Variants in UNC5D observed in about 807,000 individuals in gnomAD.
UNC5D encodes unc-5 netrin receptor D, also known as netrin receptor UNC5D.
Under a neutral mutation model 105.4 loss-of-function variants are expected in UNC5D, and 39 were observed. The ratio of observed to expected loss-of-function variants is 0.37; its 90% CI spans 0.29 to 0.48. UNC5D has a LOEUF of 0.48. Ranked by LOEUF, UNC5D falls within the 20% of genes least tolerant of loss-of-function variation. The pLI is 0.98. For synonymous variants in UNC5D, 452 were observed against 450.4 expected (o/e 1.00, Z -0.04); for missense variants, 991 against 1,202.4 (o/e 0.82, Z 2.60).
At chr8:35,355,744 C>G (rs542147567) in intron 1 of UNC5D, among the ~76,000 whole-genome samples, 1 of 152,120 alleles carries the variant, frequency 6.6e-6, no homozygotes, top group Non-Finnish European at 1.5e-5. Flanking sequence ...AAGGATGGAA[C>G]CCTCATGAAT....
intron 1 of UNC5D, among the ~76,000 whole-genome samples, chr8:35,242,186 G>A (rs1364690654): frequency 6.6e-6 from 1 of 152,154 alleles, no homozygotes; most frequent in Non-Finnish European, 1.5e-5. Flanking sequence ...TTTTTCCACA[G>A]GTGGGAAAAT....
rs542198502 is a variant in UNC5D, at chr8:35,544,513, C to T, written c.104-4779C>T. On this transcript the variant is annotated intron_variant, in intron 1 of 16. Coordinates refer to ENST00000404895, the MANE Select transcript of UNC5D (RefSeq NM_080872.4). The stretch of plus-strand genomic sequence containing the variant: ...CTGGGACTTCCGGGTTCCTGTTGGA[C>T]TTTTCCTCCCAAACTTCACCAGGTA... 5.6e-6 allele frequency: 9 copies of T among 1,609,272 alleles called. No individual in the cohort carries two copies. In the South Asian group the frequency reaches 8.8e-5, roughly 16 times the overall value.
At chr8:35,334,348 A>G (rs16883834) in intron 1 of UNC5D, among the ~76,000 whole-genome samples, 3,841 of 152,292 alleles carry the variant, frequency 0.025, 161 homozygotes, top group African/African-American at 0.086. Flanking sequence ...TTGGCCCTTT[A>G]TATCTTGGAG....
chr8:35,267,565 A>T (rs1049521377), intron 1 of UNC5D, among the ~76,000 whole-genome samples: 1 of 152,078 alleles, frequency 6.6e-6, no homozygotes, highest in African/African-American at 2.4e-5. Flanking sequence ...CAGGCTCCCA[A>T]GTAGCTGGGA....
chr8:35,397,625 G>A (rs1804191343), intron 1 of UNC5D, among the ~76,000 whole-genome samples: 1 of 152,102 alleles, frequency 6.6e-6, no homozygotes, highest in South Asian at 2.1e-4. Flanking sequence ...CCTCATCCCA[G>A]TGTACAGTTG....
chr8:35,438,638 A>C (rs373988142), intron 1 of UNC5D, among the ~76,000 whole-genome samples: 1 of 152,030 alleles, frequency 6.6e-6, no homozygotes, highest in Non-Finnish European at 1.5e-5. Context: ...CATAAGCCAA[A>C]CTATCTTTAG....
At chr8:35,678,216 T>C (rs1042535769) in intron 4 of UNC5D, among the ~76,000 whole-genome samples, 1 of 152,158 alleles carries the variant, frequency 6.6e-6, no homozygotes, top group African/African-American at 2.4e-5. Context: ...GAATCATCTC[T>C]TCTGGAGTTG....
intron 4 of UNC5D, among the ~76,000 whole-genome samples, chr8:35,610,850 A>G (rs910489513): frequency 2.0e-5 from 3 of 151,988 alleles, no homozygotes; most frequent in African/African-American, 7.2e-5. Flanking sequence ...AGAACCAAAG[A>G]TTGTCACGGT....
At chr8:35,498,441 T>C (rs1032786993) in intron 1 of UNC5D, among the ~76,000 whole-genome samples, 1 of 152,094 alleles carries the variant, frequency 6.6e-6, no homozygotes, top group African/African-American at 2.4e-5. Context: ...CATAGCTGAA[T>C]GTTGACTAGA....
chr8:35,266,064 CAATAGTAAA>C (rs932026598), intron 1 of UNC5D, among the ~76,000 whole-genome samples: 55 of 151,814 alleles, frequency 3.6e-4, no homozygotes, highest in African/African-American at 1.3e-3. Flanking sequence ...TTTAACTTTT[CAATAGTAAA>C]AATAAGCCTC....
At chr8:35,470,375 T>C (rs1809615944) in intron 1 of UNC5D, among the ~76,000 whole-genome samples, 1 of 152,060 alleles carries the variant, frequency 6.6e-6, no homozygotes, top group Admixed American at 6.6e-5. Context: ...GACACCTTGT[T>C]GACCTAGGGG....
chr8:35,575,624 T>G (rs769808396), intron 3 of UNC5D, among the ~76,000 whole-genome samples: 1 of 152,194 alleles, frequency 6.6e-6, no homozygotes, highest in Non-Finnish European at 1.5e-5. Flanking sequence ...TGTGGATATA[T>G]TCCCATGGCA....
intron 1 of UNC5D, among the ~76,000 whole-genome samples, chr8:35,402,657 T>C (rs1327329186): frequency 1.3e-5 from 2 of 152,164 alleles, no homozygotes; most frequent in East Asian, 3.9e-4. Context: ...TCAGCTTATG[T>C]GATAATGGCT....
At chr8:35,405,749 T>C (rs936309890) in intron 1 of UNC5D, among the ~76,000 whole-genome samples, 1 of 152,194 alleles carries the variant, frequency 6.6e-6, no homozygotes, top group Non-Finnish European at 1.5e-5. Flanking sequence ...CTAATTTTCA[T>C]CTTCATTTCT....
intron 7 of UNC5D, among the ~76,000 whole-genome samples, chr8:35,695,833 C>G (rs1221846953): frequency 1.3e-5 from 2 of 151,844 alleles, no homozygotes; most frequent in Non-Finnish European, 2.9e-5. Flanking sequence ...CTTCTGGGTT[C>G]AAGCAATTAT....
At chr8:35,578,906 A>C (rs2130832364) in intron 3 of UNC5D, among the ~76,000 whole-genome samples, 1 of 152,330 alleles carries the variant, frequency 6.6e-6, no homozygotes, top group African/African-American at 2.4e-5. Flanking sequence ...CATACTATTT[A>C]TTGCCAACGA....
intron 2 of UNC5D, among the ~76,000 whole-genome samples, chr8:35,554,071 C>A (rs543115118): frequency 6.6e-6 from 1 of 152,274 alleles, no homozygotes; most frequent in African/African-American, 2.4e-5. Flanking sequence ...ATTCTGTCCT[C>A]ACAGAACTAA....
chr8:35,736,861 G>A (rs545486215), intron 11 of UNC5D, among the ~76,000 whole-genome samples: 10 of 152,300 alleles, frequency 6.6e-5, no homozygotes, highest in Middle Eastern at 3.4e-3. Context: ...GGACTAGATC[G>A]TGTAGCGATG....
intron 1 of UNC5D, among the ~76,000 whole-genome samples, chr8:35,264,947 G>A (rs1433017114): frequency 2.0e-5 from 3 of 152,060 alleles, no homozygotes; most frequent in Non-Finnish European, 2.9e-5. Context: ...ATGGGCAGAT[G>A]GTTCATAAAT....
Sources: allele counts gnomAD v4.1 joint callset (sites outside exome capture counted in the v4.1 genomes callset), GRCh38; gene constraint gnomAD v4.1.1; transcripts MANE v1.5; gene names NCBI Gene and HGNC (gene_info 2026-07-23, HGNC 2026-07-21).